Variants in CFTR observed in about 807,000 individuals in gnomAD.
The protein encoded by CFTR is cystic fibrosis transmembrane conductance regulator.
CFTR carries 181 observed loss-of-function variants against 171.6 expected under a neutral mutation model. That is an observed-to-expected ratio of 1.05 (90% CI 0.93 to 1.19). The LOEUF (loss-of-function observed/expected upper bound fraction) is 1.19, where lower values mean the gene tolerates loss of function less well. CFTR is among the 50% of genes most tolerant of loss of function. The pLI, the probability that CFTR is intolerant of heterozygous loss-of-function variation, is 0.00. For missense variants in CFTR, 1,968 were observed against 1,734.7 expected, an observed-to-expected ratio of 1.13 and a Z score of -2.39; for synonymous variants, 583 against 608.0, an observed-to-expected ratio of 0.96 and a Z score of 0.60.
At chr7:117,588,817 A>G (rs866163340) in intron 12 of CFTR, among the ~76,000 whole-genome samples, 14 of 152,270 alleles carry the variant, frequency 9.2e-5, no homozygotes, top group Middle Eastern at 3.4e-3. Context: ...TGGTAGAGTC[A>G]CAGTTTGAAC....
Position 117,624,812 on chromosome 7 carries a change from G to A in CFTR, c.3469-2710G>A, listed in dbSNP as rs78552959. On this transcript the variant is annotated intron_variant, in intron 21 of 26. Transcript: ENST00000003084. ...TAGGCTTTGGCTTTTGGCGCTTAAT[G>A]GCCAATATTCACATGGCTCAAAATT... Among the ~76,000 whole-genome samples, 801 of 152,184 alleles carry A rather than the reference G, an allele frequency of 5.3e-3. 6 individuals carry two copies. Among genetic ancestry groups the A allele is most frequent in the African/African-American group, 0.018 (748 of 41,502 alleles).
chr7:117,652,964 G>T, intron 24 of CFTR, 33 bp downstream of exon 24: 1 of 1,282,114 alleles, frequency 7.8e-7, no homozygotes, highest in Non-Finnish European at 1.1e-6. Context: ...TTTTGAAAGG[G>T]GTAACTCATA....
chr7:117,612,023 G>GTATA (rs772661286), intron 20 of CFTR, among the ~76,000 whole-genome samples: 5,352 of 52,626 alleles, frequency 0.1, 498 homozygotes, highest in East Asian at 0.14. Context: ...ATATATATAT[G>GTATA]TATATATATA....
chr7:117,573,201 AC>A (rs1791721626), intron 11 of CFTR, among the ~76,000 whole-genome samples: 1 of 152,312 alleles, frequency 6.6e-6, no homozygotes, highest in African/African-American at 2.4e-5. Context: ...TAATGTAAGC[AC>A]TTAAAAAAAT....
chr7:117,482,110 G>C (rs1798008300), intron 1 of CFTR, among the ~76,000 whole-genome samples: 1 of 152,050 alleles, frequency 6.6e-6, no homozygotes, highest in Non-Finnish European at 1.5e-5. Flanking sequence ...GTATAATTTT[G>C]TGACTCTCAA....
intron 2 of CFTR, among the ~76,000 whole-genome samples, chr7:117,504,841 T>C (rs1160997936): frequency 6.7e-6 from 1 of 149,468 alleles, no homozygotes; most frequent in Non-Finnish European, 1.5e-5. Flanking sequence ...AAAAGAAAAA[T>C]AATCAGTTTC....
chr7:117,553,191 T>C (rs1055617340), intron 10 of CFTR, among the ~76,000 whole-genome samples: 2 of 151,590 alleles, frequency 1.3e-5, no homozygotes, highest in Non-Finnish European at 2.9e-5. Flanking sequence ...AGCCACACAG[T>C]TCATGGTATT....
intron 16 of CFTR, 97 bp from the exon 17 acceptor site, chr7:117,603,435 G>T (rs1051907406): frequency 8.0e-6 from 11 of 1,373,392 alleles, no homozygotes; most frequent in Non-Finnish European, 1.0e-5. Flanking sequence ...GCAAAATATT[G>T]TATTTATTTA....
chr7:117,559,824 A>C (rs760482228), intron 11 of CFTR, among the ~76,000 whole-genome samples, 169 bp downstream of exon 11: 8 of 152,162 alleles, frequency 5.3e-5, no homozygotes, highest in African/African-American at 1.9e-4. Flanking sequence ...CTATGCTTTA[A>C]GAAGCTTGCA....
At chr7:117,639,606 T>G (rs1389396076) in intron 22 of CFTR, among the ~76,000 whole-genome samples, 1 of 152,212 alleles carries the variant, frequency 6.6e-6, no homozygotes, top group Non-Finnish European at 1.5e-5. Flanking sequence ...GCTTTCTCCA[T>G]TTGTAGTCTC....
Position 117,587,943 on chromosome 7 carries a change from A to T in CFTR, c.1679+110A>T, listed in dbSNP as rs563181431. The T allele has an allele frequency of 1.7e-5, 13 of 746,342 alleles. No homozygotes were observed. In the African/African-American group the frequency reaches 2.3e-4, roughly 13 times the overall value. 46.2% of individuals were successfully genotyped at this position (746,342 alleles called of 1,614,324 possible). A position where few individuals can be genotyped will look rare whatever the true frequency, so the allele number is the denominator to read the frequency against. On this transcript the variant is annotated intron_variant, in intron 12 of 26. Transcript: ENST00000003084. ...ATATTCTGTTTCTGGAATTGAAAAA[A>T]TCCTGGGGTTTTATGGCTAGTGGGT...
chr7:117,623,478 C>T (rs1380848014), intron 21 of CFTR, among the ~76,000 whole-genome samples: 1 of 152,180 alleles, frequency 6.6e-6, no homozygotes, highest in African/African-American at 2.4e-5. Flanking sequence ...TACAATGGCA[C>T]AGTAGTTTTT....
chr7:117,486,036 G>A (rs1798068879), intron 1 of CFTR, among the ~76,000 whole-genome samples: 1 of 152,128 alleles, frequency 6.6e-6, no homozygotes, highest in African/African-American at 2.4e-5. Flanking sequence ...TGGGACTGTG[G>A]GCAGATTTTT....
intron 18 of CFTR, among the ~76,000 whole-genome samples, chr7:117,609,794 C>T (rs1008280137): frequency 2.6e-5 from 4 of 152,156 alleles, no homozygotes; most frequent in African/African-American, 9.6e-5. Context: ...TTAATATTCA[C>T]TTAAAATGTA....
At chr7:117,616,588 T>C (rs1339503387) in intron 21 of CFTR, among the ~76,000 whole-genome samples, 1 of 152,172 alleles carries the variant, frequency 6.6e-6, no homozygotes, top group Non-Finnish European at 1.5e-5. Flanking sequence ...ATTTCTACTC[T>C]GCGTGTTCAA....
At chr7:117,653,262 C>T (rs1048730685) in intron 24 of CFTR, among the ~76,000 whole-genome samples, 2 of 152,198 alleles carry the variant, frequency 1.3e-5, no homozygotes, top group Non-Finnish European at 2.9e-5. Flanking sequence ...ACTGAGCCTA[C>T]TTCTCTCCTC....
chr7:117,486,644 C>T (rs554090856), intron 1 of CFTR, among the ~76,000 whole-genome samples: 25 of 151,870 alleles, frequency 1.6e-4, no homozygotes, highest in African/African-American at 4.6e-4. Flanking sequence ...TTCCCTATGA[C>T]GGGAACATAA....
intron 8 of CFTR, 44 bp from the exon 9 acceptor site, chr7:117,541,972 C>T (rs1799059560): frequency 4.4e-6 from 4 of 913,458 alleles, no homozygotes; most frequent in African/African-American, 1.6e-5. Flanking sequence ...TGCATTAATG[C>T]TATTCTGATT....
At chr7:117,495,054 C>T (rs939810772) in intron 1 of CFTR, among the ~76,000 whole-genome samples, 1 of 152,102 alleles carries the variant, frequency 6.6e-6, no homozygotes, top group Non-Finnish European at 1.5e-5. Flanking sequence ...TCCATTTCCC[C>T]TTTTCCTTAT....
Sources: allele counts gnomAD v4.1 joint callset (sites outside exome capture counted in the v4.1 genomes callset), GRCh38; gene constraint gnomAD v4.1.1; transcripts MANE v1.5; gene names NCBI Gene and HGNC (gene_info 2026-07-23, HGNC 2026-07-21).